TSPEAR: variants seen among roughly 807,000 people sequenced by gnomAD.
The protein encoded by TSPEAR is thrombospondin-type laminin G domain and EAR repeat-containing protein.
TSPEAR carries 69 observed loss-of-function variants against 71.6 expected under a neutral mutation model. The ratio of observed to expected loss-of-function variants is 0.96; its 90% CI spans 0.79 to 1.18. TSPEAR has a LOEUF of 1.18. TSPEAR is among the 50% of genes most tolerant of loss of function. The probability of loss-of-function intolerance (pLI) is 0.00; values close to 1 mark genes in which losing one functional copy is unlikely to be tolerated. For synonymous variants in TSPEAR, 402 were observed against 387.2 expected (o/e 1.04, Z -0.45); for missense variants, 971 against 894.9 (o/e 1.09, Z -1.09).
At chr21:44,645,986 A>C (rs1984314214) in intron 1 of TSPEAR, among the ~76,000 whole-genome samples, 1 of 151,464 alleles carries the variant, frequency 6.6e-6, no homozygotes, top group South Asian at 2.1e-4. Context: ...AAAAATACAA[A>C]AATTACAGCG....
At chr21:44,586,070 A>T (rs1979319645) in intron 1 of TSPEAR, among the ~76,000 whole-genome samples, 1 of 152,122 alleles carries the variant, frequency 6.6e-6, no homozygotes, top group Admixed American at 6.5e-5. Context: ...CCATCCTAGG[A>T]CCCAGGCTGG....
chr21:44,551,295 C>A, intron 2 of TSPEAR: 4 of 1,613,468 alleles, frequency 2.5e-6, no homozygotes, highest in Non-Finnish European at 3.4e-6. Context: ...GCAGCAGGGG[C>A]TGGACACACA....
intron 1 of TSPEAR, among the ~76,000 whole-genome samples, chr21:44,587,321 T>C (rs1189253933): frequency 6.6e-6 from 1 of 152,130 alleles, no homozygotes; most frequent in East Asian, 1.9e-4. Flanking sequence ...CTCAGGAATA[T>C]ACCTACCCAA....
Position 44,537,928 on chromosome 21 carries a change from A to T in TSPEAR, c.304-4005T>A, listed in dbSNP as rs2053116839. ...GCAGCCGTCAGTGCGGAGGGCAGGG[A>T]GCTGAGAGCAGATCAGGCTGAGCCG... On this transcript the variant is annotated intron_variant, in intron 2 of 11. Coordinates refer to ENST00000323084, the MANE Select transcript of TSPEAR (RefSeq NM_144991.3). Among the ~76,000 whole-genome samples, 5 of 152,206 alleles carry T rather than the reference A, an allele frequency of 3.3e-5. No individual in the cohort carries two copies. In the South Asian group the frequency reaches 1.0e-3, roughly 32 times the overall value.
chr21:44,580,643 G>C, intron 1 of TSPEAR: 1 of 1,507,120 alleles, frequency 6.6e-7, no homozygotes, highest in Non-Finnish European at 9.1e-7. Context: ...GTGTGAGTGA[G>C]TGAAGGAGGG....
chr21:44,526,018 G>T, intron 7 of TSPEAR, 179 bp from the exon 8 acceptor site: 1 of 569,336 alleles, frequency 1.8e-6, no homozygotes, highest in Middle Eastern at 3.1e-4. Flanking sequence ...CGCAGAGCCG[G>T]TCATTACATT....
In TSPEAR at chr21:44,579,827, C is replaced by T. The variant is rs782253504; in HGVS notation, c.83-11822G>A. The T allele has an allele frequency of 1.1e-5, 17 of 1,610,072 alleles. No individual in the cohort carries two copies. In the Admixed American group the frequency reaches 2.7e-4, roughly 25 times the overall value. ...GGACACGCAGGAGGCCGGGCGGCAG[C>T]AGCTGGCCTGGTAGGAGGAGGCAGG... On this transcript the variant is annotated intron_variant, in intron 1 of 11. Coordinates refer to ENST00000323084, the MANE Select transcript of TSPEAR (RefSeq NM_144991.3).
chr21:44,606,176 A>AAAAAAC (rs1555929788), intron 1 of TSPEAR, among the ~76,000 whole-genome samples: 2 of 151,592 alleles, frequency 1.3e-5, no homozygotes, highest in African/African-American at 4.8e-5. Flanking sequence ...AAAAAAAAAA[A>AAAAAAC]AAAAAAACTA....
intron 1 of TSPEAR, chr21:44,646,780 G>A (rs1984419502): frequency 6.2e-7 from 1 of 1,613,522 alleles, no homozygotes; most frequent in Non-Finnish European, 8.5e-7. Flanking sequence ...CTGCAAGACT[G>A]TCTGCTGCAA....
intron 1 of TSPEAR, among the ~76,000 whole-genome samples, chr21:44,613,701 GAC>G (rs1379525384): frequency 6.6e-6 from 1 of 152,168 alleles, no homozygotes; most frequent in Non-Finnish European, 1.5e-5. Context: ...TGGGTGGAGG[GAC>G]ACACAGGATT....
At chr21:44,635,588 C>T (rs1174248973) in intron 1 of TSPEAR, among the ~76,000 whole-genome samples, 2 of 152,054 alleles carry the variant, frequency 1.3e-5, no homozygotes, top group African/African-American at 2.4e-5. Context: ...TCCATGACTG[C>T]GTCTATATGA....
At chr21:44,627,255 G>A (rs782502799) in intron 1 of TSPEAR, 2 of 1,612,712 alleles carry the variant, frequency 1.2e-6, no homozygotes, top group Admixed American at 1.7e-5. Flanking sequence ...GCTGCTGTGA[G>A]CCCCCCTGCT....
chr21:44,528,656 C>G, intron 5 of TSPEAR, 73 bp from the exon 6 acceptor site: 1 of 1,573,856 alleles, frequency 6.4e-7, no homozygotes, highest in Middle Eastern at 1.7e-4. Flanking sequence ...AGGAAGAGGC[C>G]CCCAAACCAG....
rs1980104678 is a variant in TSPEAR, at chr21:44,593,051, G to T, written c.83-25046C>A. On this transcript the variant is annotated intron_variant, in intron 1 of 11. Transcript: ENST00000323084. This position sits in a 1 kb window ranked among gnomAD's most constrained non-coding sequence, Gnocchi z 5.9. ...CTCTGGACGACTTCTCATCCCCACAGCCTCTTCACCTCCGGCCCTGTTTCG... is the reference window on the plus strand; with the variant it reads ...CTCTGGACGACTTCTCATCCCCACATCCTCTTCACCTCCGGCCCTGTTTCG... Among the ~76,000 whole-genome samples the T allele has an allele frequency of 6.6e-6, 1 of 152,180 alleles. No homozygotes were observed. The highest frequency in any genetic ancestry group is 6.5e-5 in the Admixed American group (1 of 15,286).
intron 2 of TSPEAR, among the ~76,000 whole-genome samples, chr21:44,544,150 T>C (rs1555917522): frequency 6.6e-6 from 1 of 152,250 alleles, no homozygotes; most frequent in Non-Finnish European, 1.5e-5. Flanking sequence ...TGGTGATCCA[T>C]GATGTGAAAC....
At chr21:44,526,931 G>T (rs139253825) in intron 7 of TSPEAR, among the ~76,000 whole-genome samples, 62 of 152,366 alleles carry the variant, frequency 4.1e-4, no homozygotes, top group Middle Eastern at 3.4e-3. Flanking sequence ...AGGAAAGGAA[G>T]GATCAGGAAT....
chr21:44,503,837 C>T (rs2052113865), intron 11 of TSPEAR, among the ~76,000 whole-genome samples: 1 of 134,898 alleles, frequency 7.4e-6, no homozygotes, highest in Admixed American at 7.4e-5. Context: ...TGGGAGGAGG[C>T]CGGCCTTGGT....
At chr21:44,528,177 C>A (rs1157940726) in intron 6 of TSPEAR, among the ~76,000 whole-genome samples, 1 of 152,288 alleles carries the variant, frequency 6.6e-6, no homozygotes, top group South Asian at 2.1e-4. Context: ...GCTCGAGGCT[C>A]CTGGTGGGGC....
intron 1 of TSPEAR, chr21:44,677,315 C>A: frequency 9.5e-7 from 1 of 1,053,952 alleles, no homozygotes; most frequent in Non-Finnish European, 1.4e-6. Flanking sequence ...ACTTAGCAGA[C>A]TTCTTCTTGC....
Sources: allele counts gnomAD v4.1 joint callset (sites outside exome capture counted in the v4.1 genomes callset), GRCh38; gene constraint gnomAD v4.1.1; non-coding constraint Gnocchi (gnomAD v3.1); transcripts MANE v1.5; gene names NCBI Gene and HGNC (gene_info 2026-07-23, HGNC 2026-07-21).